FLT3: variants seen among roughly 807,000 people sequenced by gnomAD.
FLT3 encodes the protein fms related receptor tyrosine kinase 3.
A neutral mutation model predicts 126.6 loss-of-function variants in FLT3; 46 were observed. The ratio of observed to expected loss-of-function variants is 0.36; its 90% CI spans 0.29 to 0.46. The LOEUF (loss-of-function observed/expected upper bound fraction) is 0.46. Among genes scored for constraint, FLT3 ranks in the 20% least tolerant of loss-of-function variants. The pLI, the probability that FLT3 is intolerant of heterozygous loss-of-function variation, is 1.00. For missense variants in FLT3, 1,069 were observed against 1,190.3 expected (o/e 0.90, Z 1.50); for synonymous variants, 404 against 434.4 (o/e 0.93, Z 0.87).
intron 9 of FLT3, among the ~76,000 whole-genome samples, chr13:28,039,391 T>C (rs7320980): frequency 0.75 from 113,145 of 151,516 alleles, 42,973 homozygotes; most frequent in East Asian, 0.86. Context: ...TTAGTAGAGA[T>C]GGGGTTTCAC....
intron 1 of FLT3, among the ~76,000 whole-genome samples, chr13:28,079,192 A>G (rs1372581870): frequency 6.6e-6 from 1 of 152,152 alleles, no homozygotes; most frequent in Non-Finnish European, 1.5e-5. Context: ...AGTTCCACAA[A>G]TCTCTAGGAC....
rs587778371 is a variant in FLT3 at position 28,049,673 on chromosome 13, C to G, written c.844G>C (p.Gly282Arg). 11 of 1,614,078 alleles carry G rather than the reference C, an allele frequency of 6.8e-6. No homozygotes were observed. Among genetic ancestry groups the G allele is most frequent in the Non-Finnish European group, 9.3e-6 (11 of 1,180,008 alleles). Residue 282 changes from glycine (G) to arginine (R), a missense_variant, in exon 7 of 24, where the codon GGG becomes CGG. Transcript: ENST00000241453. ...CKAVHVNHGF[G>R]LTWELENKAL... is the part of the protein sequence containing the mutation. ...TTGTTTTCTAATTCCCAGGTGAGCC[C>G]GAATCCATGGTTCACATGAACAGCT...
chr13:28,029,399 A>G (rs1160372315), intron 15 of FLT3, among the ~76,000 whole-genome samples: 2 of 110,334 alleles, frequency 1.8e-5, no homozygotes, highest in Non-Finnish European at 1.6e-5. Context: ...TGTCTCAAAA[A>G]CAAAACAAAA....
chr13:28,004,669 G>A (rs911246103), intron 23 of FLT3, among the ~76,000 whole-genome samples: 4 of 152,168 alleles, frequency 2.6e-5, no homozygotes, highest in African/African-American at 7.2e-5. Flanking sequence ...TTCAGGAAAC[G>A]TGTAGACAAG....
chr13:28,094,774 T>C (rs899346663), intron 1 of FLT3, among the ~76,000 whole-genome samples: 3 of 152,342 alleles, frequency 2.0e-5, no homozygotes, highest in Admixed American at 6.5e-5. Flanking sequence ...GTGCTGGGGA[T>C]ACAGGTGTGA....
intron 6 of FLT3, 34 bp downstream of exon 6, chr13:28,050,061 C>G (rs1280202086): frequency 6.2e-7 from 1 of 1,607,616 alleles, no homozygotes; most frequent in Non-Finnish European, 8.5e-7. Context: ...GAACCGGTCA[C>G]TGAAAATGAA....
intron 15 of FLT3, among the ~76,000 whole-genome samples, chr13:28,028,673 G>C (rs571631824): frequency 1.3e-5 from 2 of 152,004 alleles, no homozygotes; most frequent in Admixed American, 1.3e-4. Flanking sequence ...CTCCAGCCTG[G>C]GCAACAAGAG....
chr13:28,069,957 T>TA (rs374064866), intron 2 of FLT3, among the ~76,000 whole-genome samples: 21 of 151,526 alleles, frequency 1.4e-4, no homozygotes, highest in African/African-American at 4.8e-4. Flanking sequence ...TTGCAAAAAA[T>TA]AAAAAAAATT....
intron 2 of FLT3, among the ~76,000 whole-genome samples, chr13:28,069,100 C>A (rs1877282052): frequency 6.6e-6 from 1 of 152,108 alleles, no homozygotes; most frequent in South Asian, 2.1e-4. Context: ...AATGGGAAAT[C>A]ATGGAGGGTT....
chr13:28,070,587 C>T lies in FLT3; in HGVS notation c.69G>A (p.Gly23=). ...CAGGCAGATCTTGATTTGTAATAGT[C>T]CCAAATATCATTGCAGAAAAAACAA... ...LLVVFSAMIF[G]TITNQDLPVI... Residue 23 remains glycine (G), a synonymous_variant, in exon 2 of 24, where the codon GGG becomes GGA. Coordinates refer to ENST00000241453, the MANE Select transcript of FLT3 (RefSeq NM_004119.3). The T allele has an allele frequency of 6.2e-7, 1 of 1,602,148 alleles. No individual in the cohort carries two copies. Among genetic ancestry groups the T allele is most frequent in the Non-Finnish European group, 8.5e-7 (1 of 1,170,438 alleles).
intron 23 of FLT3, among the ~76,000 whole-genome samples, chr13:28,004,592 G>A (rs1870720455): frequency 6.6e-6 from 1 of 152,150 alleles, no homozygotes; most frequent in African/African-American, 2.4e-5. Flanking sequence ...ACAGGTGTGA[G>A]CCACTACGCC....
intron 15 of FLT3, among the ~76,000 whole-genome samples, chr13:28,030,715 T>C (rs1425614849): frequency 1.3e-5 from 2 of 151,406 alleles, no homozygotes; most frequent in Non-Finnish European, 2.9e-5. Flanking sequence ...AAAAATAAAA[T>C]AAAGTAAAAA....
In FLT3 at chr13:28,015,230, C is replaced by T. The variant is rs577794071; in HGVS notation, c.2680G>A (p.Val894Ile). The T allele has an allele frequency of 5.0e-6, 8 of 1,611,512 alleles. No individual in the cohort carries two copies. In the South Asian group the frequency reaches 7.7e-5, roughly 16 times the overall value. Residue 894 changes from valine to isoleucine, a missense_variant, in exon 22 of 24, where the codon GTT becomes ATT. Coordinates refer to ENST00000241453, the MANE Select transcript of FLT3 (RefSeq NM_004119.3). The stretch of plus-strand genomic sequence containing the variant: ...ATCAGTTTGTAGAAGTTAGCATCAA[C>T]CGGAATGCCAGGGTAAGGATTCACA... ...LGVNPYPGIP[V>I]DANFYKLIQN... is the part of the protein sequence containing the mutation.
chr13:28,050,838 AT>A (rs67915976), intron 5 of FLT3, among the ~76,000 whole-genome samples: 24,103 of 74,474 alleles, frequency 0.32, 2,222 homozygotes, highest in Non-Finnish European at 0.53. Context: ...ATTTGGTCCT[AT>A]TTTAAAAAAA....
intron 1 of FLT3, among the ~76,000 whole-genome samples, chr13:28,078,393 G>T (rs1341600188): frequency 6.6e-6 from 1 of 152,238 alleles, no homozygotes; most frequent in Non-Finnish European, 1.5e-5. Context: ...CCACGTGGAA[G>T]CTGCCAAGGC....
In FLT3 at chr13:28,015,343, G is replaced by C. The variant is rs796296119; in HGVS notation, c.2654-87C>G. On this transcript the variant is annotated intron_variant, in intron 21 of 23. Coordinates refer to ENST00000241453, the MANE Select transcript of FLT3 (RefSeq NM_004119.3). The stretch of plus-strand genomic sequence containing the variant: ...TTCAATTAAACACGTATTGAGATCT[G>C]CCATGTGCCAGACACTGTTGCAGGC... The C allele has an allele frequency of 1.0e-4, 95 of 945,662 alleles. No individual in the cohort carries two copies. The African/African-American group carries it at 1.4e-3, about 14-fold the overall frequency. The allele number at this position is 945,662 out of a possible 1,614,324, so 58.6% of individuals were successfully genotyped here. A position where few individuals can be genotyped will look rare whatever the true frequency, so the allele number is the denominator to read the frequency against.
rs1485905866 is a variant in FLT3, at chr13:28,049,716, G to A, written c.801C>T (p.Pro267=). The part of the protein sequence containing the change: ...LPQLFLKVGE[P]LWIRCKAVHV... The stretch of plus-strand genomic sequence containing the variant: ...GAACAGCTTTGCACCTTATCCATAA[G>A]GGTTCCCCTACTTTAAGAAATAATT... The change falls in exon 7 of 24, where the codon CCC becomes CCT. Residue 267 remains proline (P), a synonymous_variant. Coordinates refer to ENST00000241453, the MANE Select transcript of FLT3 (RefSeq NM_004119.3). 6.2e-7 allele frequency: 1 copy of A among 1,614,036 alleles called. No individual in the cohort carries two copies. Among genetic ancestry groups the A allele is most frequent in the South Asian group, 1.1e-5 (1 of 91,076 alleles).
intron 1 of FLT3, among the ~76,000 whole-genome samples, chr13:28,074,723 C>T (rs1877806668): frequency 6.6e-6 from 1 of 152,190 alleles, no homozygotes; most frequent in Non-Finnish European, 1.5e-5. Context: ...TCACTGCGGC[C>T]TTGACCTCCT....
At chr13:28,094,834 G>A (rs1733376424) in intron 1 of FLT3, among the ~76,000 whole-genome samples, 1 of 152,160 alleles carries the variant, frequency 6.6e-6, no homozygotes, top group East Asian at 1.9e-4. Context: ...TCCTTCACAT[G>A]TGTTGGTACT....
Sources: gnomAD v4.1 joint callset for allele counts (sites outside exome capture counted in the v4.1 genomes callset) on GRCh38, gnomAD v4.1.1 for gene constraint, MANE v1.5 for transcripts, NCBI Gene and HGNC (gene_info 2026-07-23, HGNC 2026-07-21) for gene names.